Variants in KCNK2 observed in about 807,000 individuals in gnomAD.
KCNK2 encodes potassium two pore domain channel subfamily K member 2, also known as potassium channel subfamily K member 2.
Under a neutral mutation model 40.5 loss-of-function variants are expected in KCNK2, and 21 were observed. That is an observed-to-expected ratio of 0.52 (90% CI 0.37 to 0.75). The LOEUF (loss-of-function observed/expected upper bound fraction) is 0.75, where lower values mean the gene tolerates loss of function less well. Among genes scored for constraint, KCNK2 ranks in the 30% least tolerant of loss-of-function variants. KCNK2 has a pLI of 0.00. For synonymous variants in KCNK2, 191 were observed against 202.2 expected, an observed-to-expected ratio of 0.94 and a Z score of 0.47; for missense variants, 399 against 531.6, an observed-to-expected ratio of 0.75 and a Z score of 2.45.
intron 3 of KCNK2, among the ~76,000 whole-genome samples, chr1:215,141,957 G>A (rs943309036): frequency 6.6e-6 from 1 of 151,796 alleles, no homozygotes; most frequent in Non-Finnish European, 1.5e-5. Context: ...TGTTGCTTTC[G>A]TATCCTCAGT....
chr1:215,213,311 TA>T (rs559525780), intron 6 of KCNK2, among the ~76,000 whole-genome samples: 1 of 152,120 alleles, frequency 6.6e-6, no homozygotes, highest in African/African-American at 2.4e-5. Flanking sequence ...TTAAACTTTA[TA>T]AAAAAATTCT....
chr1:215,185,290 T>G (rs1045609243), intron 5 of KCNK2, among the ~76,000 whole-genome samples: 5 of 152,154 alleles, frequency 3.3e-5, no homozygotes, highest in African/African-American at 1.2e-4. Flanking sequence ...AACTTATATA[T>G]TTTTGTGGCT....
intron 3 of KCNK2, among the ~76,000 whole-genome samples, chr1:215,135,746 T>C (rs1474290944): frequency 6.6e-6 from 1 of 152,106 alleles, no homozygotes; most frequent in Non-Finnish European, 1.5e-5. Context: ...TTTATTTATT[T>C]ATTTTTGAGA....
At chr1:215,154,794 C>T (rs1036957635) in intron 3 of KCNK2, among the ~76,000 whole-genome samples, 2 of 152,220 alleles carry the variant, frequency 1.3e-5, no homozygotes, top group Non-Finnish European at 2.9e-5. Context: ...CAGTTTTCTG[C>T]ATATGGCTAG....
At chr1:215,022,123 C>CTATCTATCTATCTATCTATG (rs1656821370) in intron 1 of KCNK2, among the ~76,000 whole-genome samples, 1 of 124,204 alleles carries the variant, frequency 8.1e-6, no homozygotes, top group African/African-American at 2.6e-5. Flanking sequence ...ATCTATCTAT[C>CTATCTATCTATCTATCTATG]TATCTAATCA....
chr1:215,112,172 A>G (rs886969305), intron 2 of KCNK2, among the ~76,000 whole-genome samples: 24 of 152,076 alleles, frequency 1.6e-4, no homozygotes, highest in Non-Finnish European at 2.6e-4. Context: ...CCTTTTGGAA[A>G]GTCTGCTTGC....
chr1:215,094,740 A>G (rs1004411546), intron 2 of KCNK2, among the ~76,000 whole-genome samples: 5 of 152,156 alleles, frequency 3.3e-5, no homozygotes, highest in Non-Finnish European at 7.4e-5. Flanking sequence ...TGAAGAATAT[A>G]TGAAGATTAA....
intron 2 of KCNK2, among the ~76,000 whole-genome samples, chr1:215,098,941 T>C (rs1301685558): frequency 6.6e-6 from 1 of 151,986 alleles, no homozygotes; most frequent in Non-Finnish European, 1.5e-5. Flanking sequence ...CACTCTGTTT[T>C]GCTTTAAGTG....
At chr1:215,197,662 A>G (rs1664921576) in intron 6 of KCNK2, among the ~76,000 whole-genome samples, 1 of 152,200 alleles carries the variant, frequency 6.6e-6, no homozygotes, top group African/African-American at 2.4e-5. Flanking sequence ...CCATAACACC[A>G]TCTTTTCAAA....
intron 1 of KCNK2, among the ~76,000 whole-genome samples, chr1:215,043,735 C>T (rs1233477560): frequency 6.6e-6 from 1 of 152,084 alleles, no homozygotes; most frequent in African/African-American, 2.4e-5. Context: ...GCTTGCACAA[C>T]CATCTGAATG....
chr1:215,114,994 GGTGTGTGTGTGTGTGTGT>G (rs59948899), intron 2 of KCNK2, among the ~76,000 whole-genome samples: 4 of 147,232 alleles, frequency 2.7e-5, no homozygotes, highest in African/African-American at 1.0e-4. Flanking sequence ...TACTTTGTCA[GGTGTGTGTGTGTGTGTGT>G]GTGTGTGTGT....
At chr1:215,221,140 C>T (rs1666154448) in intron 6 of KCNK2, among the ~76,000 whole-genome samples, 1 of 152,202 alleles carries the variant, frequency 6.6e-6, no homozygotes, top group Admixed American at 6.5e-5. Context: ...GAGGCCAAGG[C>T]CAAGGTGGGT....
At chr1:215,171,762 T>G (rs1053962242) in intron 4 of KCNK2, among the ~76,000 whole-genome samples, 1 of 152,132 alleles carries the variant, frequency 6.6e-6, no homozygotes, top group Admixed American at 6.6e-5. Flanking sequence ...ATTGTTAGCA[T>G]TGATTGATTT....
chr1:215,007,049 GTATATATATA>G (rs1184311265), intron 1 of KCNK2, among the ~76,000 whole-genome samples: 18 of 103,080 alleles, frequency 1.7e-4, no homozygotes, highest in African/African-American at 4.7e-4. Flanking sequence ...GTGTGTGTGT[GTATATATATA>G]TGTGTGTGTG....
intron 5 of KCNK2, among the ~76,000 whole-genome samples, chr1:215,174,949 T>A (rs1463121266): frequency 1.3e-5 from 2 of 152,148 alleles, no homozygotes; most frequent in Admixed American, 6.6e-5. Flanking sequence ...CCTAATTGAA[T>A]ACCCTTTATT....
chr1:215,070,115 A>G (rs1658694246), intron 1 of KCNK2, among the ~76,000 whole-genome samples: 1 of 152,110 alleles, frequency 6.6e-6, no homozygotes, highest in Non-Finnish European at 1.5e-5. Context: ...TAATTTATAT[A>G]GGAAACAGGT....
In KCNK2 at chr1:215,234,987, C is replaced by A. The variant is rs760104431; in HGVS notation, c.1123C>A (p.Gln375Lys). 4 of 1,614,040 alleles carry A rather than the reference C, an allele frequency of 2.5e-6. No individual in the cohort carries two copies. The highest frequency in any genetic ancestry group is 3.4e-6 in the Non-Finnish European group (4 of 1,179,990). The change falls in exon 7 of 7, where the codon CAG (glutamine) becomes AAG (lysine). Residue 375 changes from glutamine to lysine, a missense_variant. By Grantham distance (53) the Gln-to-Lys change is moderately conservative. Around this residue, in one of 3 missense-constraint regions of KCNK2, gnomAD observed 103 missense variants for 124.3 expected, o/e 0.83. Transcript: ENST00000444842. Reference protein sequence around the residue: ...LSAELAGNHNQELTPCRRTLS... With the variant: ...LSAELAGNHNKELTPCRRTLS... ...GGCAGAACTGGCTGGAAACCACAAT[C>A]AGGAGCTGACTCCTTGTAGGAGGAC... is the stretch of plus-strand genomic sequence containing the variant.
chr1:215,160,655 C>A (rs986372006), intron 3 of KCNK2, among the ~76,000 whole-genome samples: 1 of 152,100 alleles, frequency 6.6e-6, no homozygotes, highest in African/African-American at 2.4e-5. Flanking sequence ...CTGTGACTTT[C>A]CTAACAACTC....
chr1:215,157,076 C>T lies in KCNK2; in HGVS notation c.476-12123C>T, dbSNP rs1558117173. On this transcript the variant is annotated intron_variant, in intron 3 of 6. Coordinates refer to ENST00000444842, the MANE Select transcript of KCNK2 (RefSeq NM_001017425.3). The stretch of plus-strand genomic sequence containing the variant: ...CAAAAAAACCCCAGAAATTTATTTT[C>T]CTCCCACAAGGCCCCTCCTCTGACA... 1.3e-5 allele frequency among the ~76,000 whole-genome samples: 2 copies of T among 152,224 alleles called. 1 individual carries two copies. Among genetic ancestry groups the T allele is most frequent in the South Asian group, 4.1e-4 (2 of 4,820 alleles).
Sources: gnomAD v4.1 joint callset for allele counts (sites outside exome capture counted in the v4.1 genomes callset) on GRCh38, gnomAD v4.1.1 for gene constraint, gnomAD v4.1.1 regional missense constraint, MANE v1.5 for transcripts, NCBI Gene and HGNC (gene_info 2026-07-23, HGNC 2026-07-21) for gene names.